The following NLRC3 variants were observed in gnomAD, a reference collection of about 807,000 sequenced individuals.
NLRC3 encodes the protein NLR family CARD domain containing 3, also known as NLR family CARD domain-containing protein 3.
A neutral mutation model predicts 91.6 loss-of-function variants in NLRC3; 87 were observed. The ratio of observed to expected loss-of-function variants is 0.95; its 90% CI spans 0.80 to 1.14. The LOEUF (loss-of-function observed/expected upper bound fraction) is 1.14, where lower values mean the gene tolerates loss of function less well. Ranked by LOEUF, NLRC3 falls within the 50% of genes most tolerant of loss-of-function variation. The probability of loss-of-function intolerance (pLI) is 0.00; values close to 1 mark genes in which losing one functional copy is unlikely to be tolerated. For missense variants in NLRC3, 1,577 were observed against 1,418.6 expected (o/e 1.11, Z -1.79); for synonymous variants, 694 against 625.3 (o/e 1.11, Z -1.64).
In NLRC3 at chr16:3,541,590, T is replaced by A; in HGVS notation, c.*235A>T. On this transcript the variant is annotated 3_prime_UTR_variant, in exon 20 of 20. Transcript: ENST00000359128. ...CCCCTAGTCCCTTGGGGGTGGCCCC[T>A]CCCTTCTCTGTGCCATAACAGAGTA... 1.8e-6 allele frequency: 1 copy of A among 547,390 alleles called. No homozygotes were observed. Among genetic ancestry groups the A allele is most frequent in the East Asian group, 3.0e-5 (1 of 33,022 alleles). 33.9% of individuals were successfully genotyped at this position (547,390 alleles called of 1,614,324 possible). A position where few individuals can be genotyped will look rare whatever the true frequency, so the allele number is the denominator to read the frequency against.
In NLRC3 at chr16:3,563,996, C is replaced by T. The variant is rs760436526; in HGVS notation, c.941G>A (p.Ser314Asn). The change falls in exon 5 of 20, where the codon AGC becomes AAC. Residue 314 changes from serine (S) to asparagine (N), a missense_variant. Transcript: ENST00000359128. ...EDQALLGWML[S>N]QVQADRALYL... ...CAGGGCCCTGTCAGCCTGCACTTGGCTCAGCATCCAGCCCAGAAGGGCCTG... is the reference window on the plus strand; with the variant it reads ...CAGGGCCCTGTCAGCCTGCACTTGGTTCAGCATCCAGCCCAGAAGGGCCTG... The T allele has an allele frequency of 3.4e-5, 54 of 1,607,388 alleles. No homozygotes were observed. Among genetic ancestry groups the T allele is most frequent in the Non-Finnish European group, 4.4e-5 (52 of 1,179,302 alleles).
chr16:3,552,400 G>A, intron 9 of NLRC3, 121 bp from the exon 10 acceptor site: 2 of 692,206 alleles, frequency 2.9e-6, no homozygotes, highest in South Asian at 1.6e-5. Flanking sequence ...TGGAGCAGGT[G>A]GGGAGGGCGT....
At chr16:3,567,001 C>G (rs1387826546) in intron 2 of NLRC3, among the ~76,000 whole-genome samples, 5 of 152,178 alleles carry the variant, frequency 3.3e-5, no homozygotes, top group African/African-American at 1.2e-4. Flanking sequence ...GGCTGTTTTT[C>G]TTACTATGTT....
At chr16:3,570,330 G>T (rs1418721915) in intron 1 of NLRC3, among the ~76,000 whole-genome samples, 1 of 152,158 alleles carries the variant, frequency 6.6e-6, no homozygotes, top group Non-Finnish European at 1.5e-5. Context: ...AGCATATATT[G>T]ATATAAACAT....
Position 3,539,921 on chromosome 16 carries a change from A to T in NLRC3, c.*1904T>A, listed in dbSNP as rs1363393748. 6.6e-6 allele frequency: 1 copy of T among 152,330 alleles called. No individual in the cohort carries two copies. The highest frequency in any genetic ancestry group is 2.1e-4 in the South Asian group (1 of 4,826). The allele number at this position is 152,330 out of a possible 1,614,324, so 9.4% of individuals were successfully genotyped here. A position where few individuals can be genotyped will look rare whatever the true frequency, so the allele number is the denominator to read the frequency against. ...TTTCATGACATTGATGTTTTTGATG[A>T]GGTCAGGCCATTTATTCTGCAGAAT... On this transcript the variant is annotated 3_prime_UTR_variant, in exon 20 of 20. Coordinates refer to ENST00000359128, the MANE Select transcript of NLRC3 (RefSeq NM_178844.4).
At chr16:3,574,420 G>A (rs554149093) in intron 1 of NLRC3, among the ~76,000 whole-genome samples, 5 of 152,184 alleles carry the variant, frequency 3.3e-5, no homozygotes, top group African/African-American at 9.6e-5. Flanking sequence ...TGAGAACCAC[G>A]GGACCCGAGC....
intron 1 of NLRC3, among the ~76,000 whole-genome samples, chr16:3,574,687 A>C (rs1031802232): frequency 6.6e-6 from 1 of 152,200 alleles, no homozygotes; most frequent in Admixed American, 6.5e-5. Flanking sequence ...AAACCTGGGC[A>C]CAGTGGCTCA....
At chr16:3,555,307 ACAT>A (rs1346986394) in intron 8 of NLRC3, among the ~76,000 whole-genome samples, 3 of 152,140 alleles carry the variant, frequency 2.0e-5, no homozygotes, top group African/African-American at 4.8e-5. Context: ...AAGCTTAAAA[ACAT>A]CATGCTCAAT....
intron 6 of NLRC3, among the ~76,000 whole-genome samples, chr16:3,561,371 A>G (rs1417905931): frequency 6.6e-6 from 1 of 152,224 alleles, no homozygotes; most frequent in African/African-American, 2.4e-5. Flanking sequence ...TCCTGTGCCT[A>G]GAATGCTGTT....
At chr16:3,556,316 C>A (rs2039319453) in intron 8 of NLRC3, among the ~76,000 whole-genome samples, 2 of 24,290 alleles carry the variant, frequency 8.2e-5, no homozygotes, top group South Asian at 1.2e-3. Context: ...AAGAATCCGT[C>A]TCAAAAAAAA....
chr16:3,566,916 C>T (rs1419779331), intron 2 of NLRC3, among the ~76,000 whole-genome samples: 1 of 152,026 alleles, frequency 6.6e-6, no homozygotes, highest in Non-Finnish European at 1.5e-5. Flanking sequence ...CAAGGAAAAG[C>T]TTATTAATTA....
chr16:3,548,839 T>C, intron 13 of NLRC3, 86 bp from the exon 14 acceptor site: 1 of 943,704 alleles, frequency 1.1e-6, no homozygotes, highest in South Asian at 1.6e-5. Context: ...CAGGGCTTGA[T>C]ACCAGATCAC....
In NLRC3 at chr16:3,548,766, G is replaced by A; in HGVS notation, c.2604-13C>T. ...GTTGGCTGTCAGGCTAGGAGGAAGG[G>A]AACAGGAGCAAGTGAGCCGGGGGCC... On this transcript the variant is annotated splice_polypyrimidine_tract_variant and intron_variant, in intron 13 of 19. Transcript: ENST00000359128. The A allele has an allele frequency of 6.3e-7, 1 of 1,587,582 alleles. No individual in the cohort carries two copies. Among genetic ancestry groups the A allele is most frequent in the Non-Finnish European group, 8.6e-7 (1 of 1,164,924 alleles).
In NLRC3 at chr16:3,564,213, CCTT is replaced by C. The variant is rs1216041295; in HGVS notation, c.721_723del (p.Lys241del). ...GTGATCAGGTGGTCCACCGGGATCTCCTTCTTTGGGTCCGTGCAGGCCACGGTG... is the reference window on the plus strand; with the variant it reads ...GTGATCAGGTGGTCCACCGGGATCTCCTTTGGGTCCGTGCAGGCCACGGTG... On this transcript the variant is annotated inframe_deletion, in exon 5 of 20. Coordinates refer to ENST00000359128, the MANE Select transcript of NLRC3 (RefSeq NM_178844.4). This position sits in a 1 kb window ranked among gnomAD's most constrained non-coding sequence, Gnocchi z 5.9. The C allele has an allele frequency of 1.2e-6, 2 of 1,613,304 alleles. No homozygotes were observed. The highest frequency in any genetic ancestry group is 1.1e-5 in the South Asian group (1 of 91,064).
chr16:3,541,983 T>C (rs570988091), intron 19 of NLRC3, 68 bp from the exon 20 acceptor site: 38 of 973,044 alleles, frequency 3.9e-5, no homozygotes, highest in East Asian at 7.6e-5. Context: ...GGCCATACAA[T>C]AGAAAATGCA....
chr16:3,577,376 C>T lies in NLRC3; in HGVS notation c.-396G>A, dbSNP rs553452518. Reference sequence around the variant, plus strand: ...CAGCCCCGACCTTCTGCAGCCCCACCGAGCCCACCGGCTGTCCCTGTGGCT... The same window carrying T: ...CAGCCCCGACCTTCTGCAGCCCCACTGAGCCCACCGGCTGTCCCTGTGGCT... On this transcript the variant is annotated 5_prime_UTR_variant, in exon 1 of 20. Transcript: ENST00000359128. 6.9e-5 allele frequency: 40 copies of T among 575,606 alleles called. No homozygotes were observed. The highest frequency in any genetic ancestry group is 1.7e-4 in the African/African-American group (9 of 52,290). The allele number at this position is 575,606 out of a possible 1,614,324, so 35.7% of individuals were successfully genotyped here.
At chr16:3,561,067 A>G (rs1257900046) in intron 6 of NLRC3, among the ~76,000 whole-genome samples, 5 of 151,446 alleles carry the variant, frequency 3.3e-5, no homozygotes, top group Non-Finnish European at 7.4e-5. Flanking sequence ...TAAAAATGCA[A>G]TTGGCTGGGT....
In NLRC3 at chr16:3,563,134, G is replaced by A. The variant is rs762033919; in HGVS notation, c.1803C>T (p.Arg601=). The part of the protein sequence containing the change: ...ALARLTGPAH[R]AALAYLLQVS... ...CCTGCAGGAGGTAGGCCAGGGCAGC[G>A]CGGTGCGCGGGACCAGTCAGCCTGG... is the stretch of plus-strand genomic sequence containing the variant. The change falls in exon 5 of 20, where the codon CGC becomes CGT. Residue 601 remains arginine, a synonymous_variant. Transcript: ENST00000359128. 70 of 1,584,608 alleles carry A rather than the reference G, an allele frequency of 4.4e-5. No individual in the cohort carries two copies. The highest frequency in any genetic ancestry group is 3.8e-4 in the Middle Eastern group (2 of 5,210).
chr16:3,557,717 C>A lies in NLRC3; in HGVS notation c.2016-41G>T. ...GAGAGGAGTGGTTATTTTAGGCATGCACATCTCATGGCCTCTTCCTCAACG... is the reference window on the plus strand; with the variant it reads ...GAGAGGAGTGGTTATTTTAGGCATGAACATCTCATGGCCTCTTCCTCAACG... On this transcript the variant is annotated intron_variant, in intron 6 of 19. Coordinates refer to ENST00000359128, the MANE Select transcript of NLRC3 (RefSeq NM_178844.4). 2.3e-6 allele frequency: 3 copies of A among 1,287,102 alleles called. 1 individual carries two copies. The highest frequency in any genetic ancestry group is 3.4e-6 in the Non-Finnish European group (3 of 887,362). The allele number at this position is 1,287,102 out of a possible 1,614,324, so 79.7% of individuals were successfully genotyped here.
Sources: allele counts gnomAD v4.1 joint callset (sites outside exome capture counted in the v4.1 genomes callset), GRCh38; gene constraint gnomAD v4.1.1; non-coding constraint Gnocchi (gnomAD v3.1); transcripts MANE v1.5; gene names NCBI Gene and HGNC (gene_info 2026-07-23, HGNC 2026-07-21).